TACR1: variants seen among roughly 807,000 people sequenced by gnomAD.
TACR1 encodes the protein substance-P receptor.
Under a neutral mutation model 35.8 loss-of-function variants are expected in TACR1, and 25 were observed. The observed-to-expected ratio is 0.70, with a 90% CI of 0.51 to 0.98. TACR1 has a LOEUF of 0.98. TACR1 is among the 50% of genes least tolerant of loss of function. The probability of loss-of-function intolerance (pLI) is 0.00; values close to 1 mark genes in which losing one functional copy is unlikely to be tolerated. For synonymous variants in TACR1, 195 were observed against 206.7 expected, an observed-to-expected ratio of 0.94 and a Z score of 0.48; for missense variants, 478 against 522.9, an observed-to-expected ratio of 0.91 and a Z score of 0.84.
chr2:75,172,173 C>T (rs1675302207), intron 1 of TACR1, among the ~76,000 whole-genome samples: 1 of 152,042 alleles, frequency 6.6e-6, no homozygotes, highest in Non-Finnish European at 1.5e-5. Flanking sequence ...TCTTACAAAC[C>T]CCATTGTTTT....
chr2:75,194,379 G>A (rs1334767647), intron 1 of TACR1, among the ~76,000 whole-genome samples: 5 of 152,212 alleles, frequency 3.3e-5, no homozygotes, highest in African/African-American at 1.2e-4. Context: ...ATGGTAATGG[G>A]TTTCCAGGGC....
In TACR1 at chr2:75,079,736, C is replaced by CTTTTTT. The variant is rs11367021; in HGVS notation, c.585-25987_585-25982dup. On this transcript the variant is annotated intron_variant, in intron 2 of 4. Coordinates refer to ENST00000305249, the MANE Select transcript of TACR1 (RefSeq NM_001058.4). Reference sequence around the variant, plus strand: ...CAAACTGTGCATCTAAACCTAATGCCTTTTTTTTTTTTTTTTTTTTTGGTC... The same window carrying CTTTTTT: ...CAAACTGTGCATCTAAACCTAATGCCTTTTTTTTTTTTTTTTTTTTTTTTTTTGGTC... Among the ~76,000 whole-genome samples the CTTTTTT allele has an allele frequency of 2.2e-3, 253 of 114,178 alleles. 1 individual carries two copies. The highest frequency in any genetic ancestry group is 7.4e-3 in the African/African-American group (237 of 31,996). 74.9% of individuals were successfully genotyped at this position (114,178 alleles called of 152,430 possible).
chr2:75,159,123 G>A (rs571204964), intron 1 of TACR1, among the ~76,000 whole-genome samples: 102 of 151,952 alleles, frequency 6.7e-4, no homozygotes, highest in African/African-American at 2.5e-3. Context: ...AGCTAATTTT[G>A]TAGGGGACCT....
rs765098258 is a variant in TACR1, at chr2:75,198,796, C to T, written c.139G>A (p.Val47Met). Residue 47 changes from valine (V) to methionine (M), a missense_variant, in exon 1 of 5, where the codon GTG becomes ATG. Coordinates refer to ENST00000305249, the MANE Select transcript of TACR1 (RefSeq NM_001058.4). The stretch of plus-strand genomic sequence containing the variant: ...CACATCACTACCACGTTGCCCACCA[C>T]AGAGGTCACCACAATGACCGTGTAG... ...AAYTVIVVTSVVGNVVVMWII... is the reference protein window; with the variant it reads ...AAYTVIVVTSMVGNVVVMWII... 1 of 1,614,160 alleles carries T rather than the reference C, an allele frequency of 6.2e-7. No homozygotes were observed.
chr2:75,096,883 C>G (rs1293823053), intron 2 of TACR1, among the ~76,000 whole-genome samples: 1 of 152,182 alleles, frequency 6.6e-6, no homozygotes, highest in African/African-American at 2.4e-5. Flanking sequence ...GACCCAGGGC[C>G]AAACCCTCCA....
intron 1 of TACR1, among the ~76,000 whole-genome samples, chr2:75,128,600 G>A (rs1674120626): frequency 6.6e-6 from 1 of 152,168 alleles, no homozygotes; most frequent in Non-Finnish European, 1.5e-5. Context: ...CTACCCCTCA[G>A]GGGTGGGACT....
At chr2:75,132,462 T>C (rs546565955) in intron 1 of TACR1, among the ~76,000 whole-genome samples, 2 of 152,214 alleles carry the variant, frequency 1.3e-5, no homozygotes, top group African/African-American at 4.8e-5. Context: ...TGCATATTTT[T>C]AAAAATGTCT....
In TACR1 at chr2:75,053,703, C is replaced by T. The variant is rs1480311822; in HGVS notation, c.637G>A (p.Gly213Ser). ...LIYFLPLLVIGYAYTVVGITL... is the reference protein window; with the variant it reads ...LIYFLPLLVISYAYTVVGITL... ...ATTCCCACTACGGTGTATGCATAGC[C>T]AATCACCAGCAGGGGGAGGAAGTAG... is the stretch of plus-strand genomic sequence containing the variant. Residue 213 changes from glycine to serine, a missense_variant, in exon 3 of 5, where the codon GGC becomes AGC. Physicochemically the swap from Gly to Ser is moderately conservative, Grantham distance 56 (BLOSUM62 0). Coordinates refer to ENST00000305249, the MANE Select transcript of TACR1 (RefSeq NM_001058.4). 1 of 1,614,026 alleles carries T rather than the reference C, an allele frequency of 6.2e-7. No individual in the cohort carries two copies. The highest frequency in any genetic ancestry group is 1.1e-5 in the South Asian group (1 of 91,038).
At chr2:75,119,586 A>G (rs1264311674) in intron 2 of TACR1, among the ~76,000 whole-genome samples, 1 of 152,244 alleles carries the variant, frequency 6.6e-6, no homozygotes, top group Admixed American at 6.5e-5. Context: ...TGCCATTTCA[A>G]TGTTGTTTCA....
chr2:75,081,898 C>CT (rs573484307), intron 2 of TACR1, among the ~76,000 whole-genome samples: 159 of 133,380 alleles, frequency 1.2e-3, no homozygotes, highest in East Asian at 2.0e-3. Flanking sequence ...ACCAACATTT[C>CT]TTTTTTTTTT....
intron 2 of TACR1, among the ~76,000 whole-genome samples, chr2:75,115,864 G>T (rs1350111489): frequency 8.2e-6 from 1 of 121,928 alleles, no homozygotes; most frequent in Admixed American, 1.1e-4. Flanking sequence ...CCGAGATCGC[G>T]CCACTGCACT....
chr2:75,069,316 ATATC>A (rs997677763), intron 2 of TACR1, among the ~76,000 whole-genome samples: 1 of 88,474 alleles, frequency 1.1e-5, no homozygotes, highest in African/African-American at 7.1e-5. Context: ...ATGTATATGT[ATATC>A]TATATCTATA....
chr2:75,176,012 CAA>C (rs34884122), intron 1 of TACR1, among the ~76,000 whole-genome samples: 6,918 of 109,472 alleles, frequency 0.063, 164 homozygotes, highest in African/African-American at 0.078. Flanking sequence ...TTGAGCTGTC[CAA>C]AAAAAAAAAA....
intron 2 of TACR1, among the ~76,000 whole-genome samples, chr2:75,066,949 ACTAT>A (rs754839432): frequency 1.3e-5 from 2 of 152,194 alleles, no homozygotes; most frequent in Non-Finnish European, 2.9e-5. Flanking sequence ...TAATTTCTGG[ACTAT>A]CTTTTATGCA....
intron 2 of TACR1, among the ~76,000 whole-genome samples, chr2:75,114,476 G>A (rs531359060): frequency 8.5e-5 from 13 of 152,132 alleles, no homozygotes; most frequent in African/African-American, 2.9e-4. Flanking sequence ...TGTCCTCAGG[G>A]GCATTGCCCT....
Position 75,198,638 on chromosome 2 carries a change from G to GTACC in TACR1, c.293_296dup (p.Tyr99Ter), listed in dbSNP as rs1293328591. The stretch of plus-strand genomic sequence containing the variant: ...GGAACTTGCAGTAGAACAGGCCGTA[G>GTACC]TACCATTCGTTGTGGACAGCATAGG... On this transcript the variant is annotated stop_gained and frameshift_variant, in exon 1 of 5. Coordinates refer to ENST00000305249, the MANE Select transcript of TACR1 (RefSeq NM_001058.4). LOFTEE classifies it high-confidence loss of function. The GTACC allele has an allele frequency of 2.5e-6, 4 of 1,614,120 alleles. No individual in the cohort carries two copies. The highest frequency in any genetic ancestry group is 3.4e-6 in the Non-Finnish European group (4 of 1,180,040).
intron 2 of TACR1, among the ~76,000 whole-genome samples, chr2:75,119,310 C>G (rs1209121828): frequency 1.3e-5 from 2 of 152,154 alleles, no homozygotes; most frequent in East Asian, 3.8e-4. Context: ...AAACAGAGCT[C>G]TATTATCTCT....
chr2:75,132,484 A>G (rs986356139), intron 1 of TACR1, among the ~76,000 whole-genome samples: 6 of 152,122 alleles, frequency 3.9e-5, no homozygotes, highest in Non-Finnish European at 5.9e-5. Flanking sequence ...GTCATTCTTT[A>G]TAATTTTTAC....
chr2:75,179,316 T>C (rs1675504512), intron 1 of TACR1, among the ~76,000 whole-genome samples: 1 of 152,196 alleles, frequency 6.6e-6, no homozygotes, highest in South Asian at 2.1e-4. Context: ...CTTCTCACCA[T>C]GTCTACCACC....
Sources: allele counts gnomAD v4.1 joint callset (sites outside exome capture counted in the v4.1 genomes callset), GRCh38; gene constraint gnomAD v4.1.1; transcripts MANE v1.5; gene names NCBI Gene and HGNC (gene_info 2026-07-23, HGNC 2026-07-21).